DOCK5: variants seen among roughly 807,000 people sequenced by gnomAD.
The protein encoded by DOCK5 is dedicator of cytokinesis 5.
A neutral mutation model predicts 251.8 loss-of-function variants in DOCK5; 142 were observed. The observed-to-expected ratio is 0.56, with a 90% CI of 0.49 to 0.65. The LOEUF is 0.65. Ranked by LOEUF, DOCK5 falls within the 30% of genes least tolerant of loss-of-function variation. DOCK5 has a pLI of 0.00. For missense variants in DOCK5, 2,111 were observed against 2,312.3 expected (o/e 0.91, Z 1.79); for synonymous variants, 842 against 835.5 (o/e 1.01, Z -0.13).
At position 25,300,656 on chromosome 8, in the gene DOCK5, C is replaced by T. The variant is rs1804739199; in HGVS notation, c.845C>T (p.Thr282Ile). The change falls in exon 9 of 52, where the codon ACA (threonine) becomes ATA (isoleucine). Residue 282 changes from threonine to isoleucine, a missense_variant and splice_region_variant. Thr to Ile is a moderately conservative substitution (Grantham distance 89). Transcript: ENST00000276440. ...EKLNNLQAVF[T>I]DLSSMDLIRP... ...CTCAATAACCTCCAAGCAGTGTTTA[C>T]AGTAAGTCCTCCCTTCTGTTTAATC... The T allele has an allele frequency of 1.9e-6, 3 of 1,611,078 alleles. No homozygotes were observed. Among genetic ancestry groups the T allele is most frequent in the Admixed American group, 1.7e-5 (1 of 59,702 alleles).
At chr8:25,402,639 T>A (rs1369808546) in intron 47 of DOCK5, among the ~76,000 whole-genome samples, 1 of 151,776 alleles carries the variant, frequency 6.6e-6, no homozygotes, top group African/African-American at 2.4e-5. Flanking sequence ...AGATAGAGTC[T>A]CCCTATGTTG....
rs1169631896 is a variant in DOCK5 at position 25,399,908 on chromosome 8, T to A, written c.4705-3T>A. 20 of 1,610,570 alleles carry A rather than the reference T, an allele frequency of 1.2e-5. No homozygotes were observed. Among genetic ancestry groups the A allele is most frequent in the Admixed American group, 1.7e-5 (1 of 59,540 alleles). The stretch of plus-strand genomic sequence containing the variant: ...ATTAAAACTTGCATATGCTTTTTTT[T>A]AGGCTTTTTTTACAGAAAAGTACTT... On this transcript the variant is annotated splice_polypyrimidine_tract_variant and splice_region_variant and intron_variant, in intron 45 of 51. Coordinates refer to ENST00000276440, the MANE Select transcript of DOCK5 (RefSeq NM_024940.8).
intron 27 of DOCK5, among the ~76,000 whole-genome samples, chr8:25,356,318 TA>T (rs1800568277): frequency 6.6e-6 from 1 of 152,242 alleles, no homozygotes; most frequent in Non-Finnish European, 1.5e-5. Context: ...AACATTTCAT[TA>T]CCTTTCTAAA....
At chr8:25,238,544 T>C (rs1032034798) in intron 1 of DOCK5, among the ~76,000 whole-genome samples, 2 of 152,200 alleles carry the variant, frequency 1.3e-5, no homozygotes, top group African/African-American at 4.8e-5. Flanking sequence ...AAGCGGTGAC[T>C]TTTCATTCCA....
At position 25,389,187 on chromosome 8, in the gene DOCK5, A is replaced by C; in HGVS notation, c.4228A>C (p.Ser1410Arg). The C allele has an allele frequency of 6.2e-7, 1 of 1,614,030 alleles. No homozygotes were observed. The highest frequency in any genetic ancestry group is 8.5e-7 in the Non-Finnish European group (1 of 1,179,876). The part of the protein sequence containing the change: ...TQFPNAEKMT[S>R]TTPPGEDIKS... ...GTTCCCCAATGCGGAGAAGATGACC[A>C]GTACCACGCCTCCTGGGGAAGACAT... The change falls in exon 41 of 52, where the codon AGT becomes CGT. Residue 1410 changes from serine (S) to arginine (R), a missense_variant. Around this residue, in one of 3 missense-constraint regions of DOCK5, gnomAD observed 1,717 missense variants for 1,892.4 expected, o/e 0.91. Transcript: ENST00000276440.
intron 1 of DOCK5, among the ~76,000 whole-genome samples, chr8:25,216,106 GTGTATACAATATGTA>G (rs1304868693): frequency 2.6e-5 from 4 of 151,202 alleles, no homozygotes; most frequent in African/African-American, 4.9e-5. Context: ...ATGTCTATAT[GTGTATACAATATGTA>G]TGTATACAAT....
intron 42 of DOCK5, among the ~76,000 whole-genome samples, chr8:25,391,051 C>T (rs1406542429): frequency 2.6e-5 from 4 of 151,904 alleles, no homozygotes; most frequent in East Asian, 1.9e-4. Context: ...TCAGGCAATC[C>T]GCCCACTAAG....
At chr8:25,291,548 T>A (rs910229608) in intron 5 of DOCK5, among the ~76,000 whole-genome samples, 1 of 151,746 alleles carries the variant, frequency 6.6e-6, no homozygotes, top group African/African-American at 2.4e-5. Context: ...CTGGGTGTGG[T>A]GGCATGCTCC....
At chr8:25,296,824 A>G (rs1804628157) in intron 7 of DOCK5, among the ~76,000 whole-genome samples, 176 bp downstream of exon 7, 1 of 152,138 alleles carries the variant, frequency 6.6e-6, no homozygotes, top group Non-Finnish European at 1.5e-5. Flanking sequence ...ATGTTCTGAT[A>G]TGGAAAGATC....
chr8:25,386,502 G>A (rs1026897086), intron 40 of DOCK5, among the ~76,000 whole-genome samples: 1 of 152,174 alleles, frequency 6.6e-6, no homozygotes, highest in Non-Finnish European at 1.5e-5. Context: ...GTAGGCTGAG[G>A]CAGGAGGATT....
intron 1 of DOCK5, among the ~76,000 whole-genome samples, chr8:25,190,940 C>T (rs1045694440): frequency 1.3e-5 from 2 of 151,762 alleles, no homozygotes; most frequent in Non-Finnish European, 2.9e-5. Flanking sequence ...CCCGCCACTG[C>T]GCCAGGCTAA....
intron 26 of DOCK5, among the ~76,000 whole-genome samples, chr8:25,348,180 A>G (rs1800403853): frequency 6.6e-6 from 1 of 151,996 alleles, no homozygotes; most frequent in South Asian, 2.1e-4. Flanking sequence ...CTAATTACTG[A>G]TATTTGTTCT....
At chr8:25,245,202 G>A (rs1055414491) in intron 2 of DOCK5, among the ~76,000 whole-genome samples, 2 of 151,964 alleles carry the variant, frequency 1.3e-5, no homozygotes, top group Non-Finnish European at 2.9e-5. Context: ...GACTACAGGT[G>A]CCCACCACCA....
chr8:25,184,750 G>T lies in DOCK5; in HGVS notation c.-159G>T. The T allele has an allele frequency of 3.8e-6, 2 of 529,076 alleles. No homozygotes were observed. Among genetic ancestry groups the T allele is most frequent in the Non-Finnish European group, 5.4e-6 (2 of 372,830 alleles). 32.8% of individuals were successfully genotyped at this position (529,076 alleles called of 1,614,324 possible). A position where few individuals can be genotyped will look rare whatever the true frequency, so the allele number is the denominator to read the frequency against. ...GGGCGGCGCGGGCACGGGCACGGGCGCGGGCGGCGCGGCGAGGAGGCGGCC... is the reference window on the plus strand; with the variant it reads ...GGGCGGCGCGGGCACGGGCACGGGCTCGGGCGGCGCGGCGAGGAGGCGGCC... On this transcript the variant is annotated 5_prime_UTR_variant, in exon 1 of 52. Coordinates refer to ENST00000276440, the MANE Select transcript of DOCK5 (RefSeq NM_024940.8).
At chr8:25,241,858 A>G (rs1362613662) in intron 1 of DOCK5, among the ~76,000 whole-genome samples, 3 of 152,178 alleles carry the variant, frequency 2.0e-5, no homozygotes, top group East Asian at 1.9e-4. Flanking sequence ...TTGCAGGGAC[A>G]TGGGTGAAGC....
chr8:25,345,447 T>C lies in DOCK5; in HGVS notation c.2618-28T>C, dbSNP rs575228572. 2 of 1,612,120 alleles carry C rather than the reference T, an allele frequency of 1.2e-6. 1 individual carries two copies. The highest frequency in any genetic ancestry group is 2.2e-5 in the South Asian group (2 of 91,000). On this transcript the variant is annotated intron_variant, in intron 25 of 51. Coordinates refer to ENST00000276440, the MANE Select transcript of DOCK5 (RefSeq NM_024940.8). ...CAGTTCAGGAGGTGGCACTGCTGTG[T>C]GTGAGCTGTCTGTGTTTTCCTTCTC...
intron 47 of DOCK5, among the ~76,000 whole-genome samples, chr8:25,403,213 A>C (rs1178402286): frequency 3.3e-5 from 5 of 152,232 alleles, no homozygotes; most frequent in African/African-American, 1.2e-4. Context: ...GACTGAAAGC[A>C]GCTGAGCTGG....
chr8:25,311,551 AAAAAAAG>A (rs1236707232), intron 13 of DOCK5, among the ~76,000 whole-genome samples: 1 of 151,400 alleles, frequency 6.6e-6, no homozygotes, highest in African/African-American at 2.4e-5. Context: ...CTCAAAAAAA[AAAAAAAG>A]AAAAAAGAAA....
chr8:25,210,045 T>TATATATATAA (rs1563309191), intron 1 of DOCK5, among the ~76,000 whole-genome samples: 2 of 20,650 alleles, frequency 9.7e-5, no homozygotes, highest in African/African-American at 4.6e-4. Flanking sequence ...AATGTGTGTG[T>TATATATATAA]GTGTGTGTGT....
Sources: gnomAD v4.1 joint callset for allele counts (sites outside exome capture counted in the v4.1 genomes callset) on GRCh38, gnomAD v4.1.1 for gene constraint, gnomAD v4.1.1 regional missense constraint, MANE v1.5 for transcripts, NCBI Gene and HGNC (gene_info 2026-07-23, HGNC 2026-07-21) for gene names.